Variants in TMEM132C observed in about 807,000 individuals in gnomAD.
The protein encoded by TMEM132C is protein phosphatase 1, regulatory subunit 152.
Under a neutral mutation model 61.4 loss-of-function variants are expected in TMEM132C, and 29 were observed. The observed-to-expected ratio is 0.47, with a 90% CI of 0.35 to 0.64. The LOEUF (loss-of-function observed/expected upper bound fraction) is 0.64. TMEM132C is among the 30% of genes least tolerant of loss of function. The pLI is 0.00. For missense variants in TMEM132C, 1,408 were observed against 1,476.9 expected, an observed-to-expected ratio of 0.95 and a Z score of 0.76; for synonymous variants, 656 against 633.1, an observed-to-expected ratio of 1.04 and a Z score of -0.54.
chr12:128,547,049 C>T (rs1206352935), intron 3 of TMEM132C, among the ~76,000 whole-genome samples: 1 of 152,192 alleles, frequency 6.6e-6, no homozygotes, highest in African/African-American at 2.4e-5. Context: ...CGTTCCTTCC[C>T]ATGGAGCTTT....
At chr12:128,500,591 G>T (rs866376401) in intron 2 of TMEM132C, among the ~76,000 whole-genome samples, 1 of 151,984 alleles carries the variant, frequency 6.6e-6, no homozygotes, top group Non-Finnish European at 1.5e-5. Flanking sequence ...TATACAAAAT[G>T]GTGCCCAACA....
intron 1 of TMEM132C, among the ~76,000 whole-genome samples, chr12:128,375,249 T>A (rs1874158306): frequency 6.6e-6 from 1 of 152,068 alleles, no homozygotes; most frequent in Non-Finnish European, 1.5e-5. Context: ...GCGGGAGCTG[T>A]TGTCACAGGA....
chr12:128,293,023 T>C (rs74893367), intron 1 of TMEM132C, among the ~76,000 whole-genome samples: 34,914 of 151,654 alleles, frequency 0.23, 4,652 homozygotes, highest in East Asian at 0.5. Context: ...ACAGTAGACC[T>C]TGATTTTCAA....
intron 1 of TMEM132C, among the ~76,000 whole-genome samples, chr12:128,405,569 T>A (rs1946448970): frequency 6.6e-6 from 1 of 152,126 alleles, no homozygotes; most frequent in South Asian, 2.1e-4. Flanking sequence ...CACTTGATAA[T>A]CTCCCTGCTT....
At chr12:128,320,962 A>G (rs964702078) in intron 1 of TMEM132C, among the ~76,000 whole-genome samples, 3 of 151,798 alleles carry the variant, frequency 2.0e-5, no homozygotes, top group Non-Finnish European at 4.4e-5. Flanking sequence ...TCAATTAGGC[A>G]CACAATTGTT....
At chr12:128,482,079 G>A (rs891984122) in intron 2 of TMEM132C, among the ~76,000 whole-genome samples, 5 of 152,134 alleles carry the variant, frequency 3.3e-5, no homozygotes, top group African/African-American at 1.2e-4. Flanking sequence ...TTAATGCCTA[G>A]TTTATTGAGA....
intron 1 of TMEM132C, among the ~76,000 whole-genome samples, chr12:128,289,796 T>C (rs2135907399): frequency 6.6e-6 from 1 of 152,348 alleles, no homozygotes; most frequent in Admixed American, 6.5e-5. Context: ...CCCTAAGCAA[T>C]CATTTCCATG....
At chr12:128,688,653 C>T (rs1252971802) in intron 5 of TMEM132C, among the ~76,000 whole-genome samples, 2 of 152,094 alleles carry the variant, frequency 1.3e-5, no homozygotes, top group African/African-American at 4.8e-5. Flanking sequence ...GCGTCTAGAA[C>T]ATCCAGGATA....
intron 5 of TMEM132C, among the ~76,000 whole-genome samples, chr12:128,682,242 G>A (rs1361626757): frequency 2.6e-5 from 4 of 152,192 alleles, no homozygotes; most frequent in Admixed American, 2.6e-4. Flanking sequence ...AACTAGGGCT[G>A]TGGCCACAGG....
In TMEM132C at chr12:128,669,514, T is replaced by G. The variant is rs1954509898; in HGVS notation, c.1403T>G (p.Ile468Ser). 1 of 1,551,540 alleles carries G rather than the reference T, an allele frequency of 6.4e-7. No individual in the cohort carries two copies. The highest frequency in any genetic ancestry group is 2.0e-5 in the Admixed American group (1 of 50,986). The part of the protein sequence containing the change: ...SVEENSAVMD[I>S]SESVECKSTD... ...GAGGAGAACAGTGCCGTGATGGACATCTCAGAGTCGGTGGAGTGCAAGTCC... is the reference window on the plus strand; with the variant it reads ...GAGGAGAACAGTGCCGTGATGGACAGCTCAGAGTCGGTGGAGTGCAAGTCC... The change falls in exon 5 of 9, where the codon ATC (isoleucine) becomes AGC (serine). Residue 468 changes from isoleucine (I) to serine (S), a missense_variant. Physicochemically the swap from Ile to Ser is moderately radical, Grantham distance 142. Transcript: ENST00000435159.
intron 2 of TMEM132C, among the ~76,000 whole-genome samples, chr12:128,435,356 A>C (rs935720565): frequency 6.6e-6 from 1 of 152,194 alleles, no homozygotes; most frequent in African/African-American, 2.4e-5. Flanking sequence ...GAGGAAGTCA[A>C]ATTGTCCCTG....
At chr12:128,700,743 C>T (rs1216625064) in intron 8 of TMEM132C, among the ~76,000 whole-genome samples, 1 of 152,198 alleles carries the variant, frequency 6.6e-6, no homozygotes, top group Admixed American at 6.5e-5. Context: ...AAGGAGAAAT[C>T]ACTTGGTATT....
chr12:128,502,688 C>G (rs1593076637), intron 2 of TMEM132C, among the ~76,000 whole-genome samples: 1 of 152,188 alleles, frequency 6.6e-6, no homozygotes, highest in South Asian at 2.1e-4. Context: ...TTGGCAGCCT[C>G]TTGGTTTGTC....
At chr12:128,503,796 G>A (rs567163792) in intron 2 of TMEM132C, among the ~76,000 whole-genome samples, 4 of 152,296 alleles carry the variant, frequency 2.6e-5, no homozygotes, top group South Asian at 2.1e-4. Flanking sequence ...TTCAAACCCA[G>A]GCCTGACTGT....
chr12:128,272,546 G>A (rs1042785031), intron 1 of TMEM132C, among the ~76,000 whole-genome samples: 1 of 152,134 alleles, frequency 6.6e-6, no homozygotes, highest in Non-Finnish European at 1.5e-5. Flanking sequence ...GGATTGCTAG[G>A]TTGTATGCAG....
rs1565932940 is a variant in TMEM132C at position 128,427,390 on chromosome 12, GTGTGTGTGT to G, written c.974+11771_974+11779del. Among the ~76,000 whole-genome samples the G allele has an allele frequency of 7.5e-4, 37 of 49,292 alleles. 1 individual carries two copies. Among genetic ancestry groups the G allele is most frequent in the African/African-American group, 2.3e-3 (36 of 15,836 alleles). The allele number at this position is 49,292 out of a possible 152,430, so 32.3% of individuals were successfully genotyped here. On this transcript the variant is annotated intron_variant, in intron 2 of 8. Coordinates refer to ENST00000435159, the MANE Select transcript of TMEM132C (RefSeq NM_001136103.3). The stretch of plus-strand genomic sequence containing the variant: ...TTTTAGTTTCTACTTCCAAAGGGGT[GTGTGTGTGT>G]GTGTGTGTGTGTGTGTGTGTGTGTG...
At position 128,360,275 on chromosome 12, in the gene TMEM132C, CA is replaced by C. The variant is rs1565912309; in HGVS notation, c.86-54456del. On this transcript the variant is annotated intron_variant, in intron 1 of 8. Coordinates refer to ENST00000435159, the MANE Select transcript of TMEM132C (RefSeq NM_001136103.3). Reference sequence around the variant, plus strand: ...ACACACACACACACACACACACACACACACACCCCAGGATAACAGAGAGAGA... The same window carrying C: ...ACACACACACACACACACACACACACCACACCCCAGGATAACAGAGAGAGA... Among the ~76,000 whole-genome samples the C allele has an allele frequency of 6.2e-3, 923 of 149,022 alleles. 11 individuals carry two copies. The highest frequency in any genetic ancestry group is 0.02 in the African/African-American group (812 of 41,086).
At chr12:128,567,359 G>A (rs1874736181) in intron 3 of TMEM132C, among the ~76,000 whole-genome samples, 1 of 151,930 alleles carries the variant, frequency 6.6e-6, no homozygotes, top group African/African-American at 2.4e-5. Flanking sequence ...CCCGATGACT[G>A]TAGTTAATAA....
chr12:128,680,477 C>A (rs78296197), intron 5 of TMEM132C, among the ~76,000 whole-genome samples: 2,282 of 152,312 alleles, frequency 0.015, 57 homozygotes, highest in African/African-American at 0.047. Flanking sequence ...AGCTGCTAAC[C>A]ATGTGTGACT....
Sources: gnomAD v4.1 joint callset for allele counts (sites outside exome capture counted in the v4.1 genomes callset) on GRCh38, gnomAD v4.1.1 for gene constraint, MANE v1.5 for transcripts, NCBI Gene and HGNC (gene_info 2026-07-23, HGNC 2026-07-21) for gene names.